COBLL1: variants seen among roughly 807,000 people sequenced by gnomAD.
COBLL1 encodes cordon-bleu WH2 repeat protein like 1, also known as cordon-bleu protein-like 1.
COBLL1 carries 50 observed loss-of-function variants against 94.8 expected under a neutral mutation model. That is an observed-to-expected ratio of 0.53 (90% CI 0.42 to 0.67). COBLL1 has a LOEUF of 0.67. COBLL1 is among the 30% of genes least tolerant of loss of function. The pLI is 0.00. For synonymous variants in COBLL1, 448 were observed against 473.8 expected, an observed-to-expected ratio of 0.95 and a Z score of 0.71; for missense variants, 1,362 against 1,348.7, an observed-to-expected ratio of 1.01 and a Z score of -0.15.
At position 164,834,624 on chromosome 2, in the gene COBLL1, TTGTC is replaced by T. The variant is rs1187895725; in HGVS notation, c.41+6528_41+6531del. 7.2e-5 allele frequency among the ~76,000 whole-genome samples: 11 copies of T among 152,350 alleles called. No homozygotes were observed. The East Asian group carries it at 7.7e-4, about 11-fold the overall frequency. On this transcript the variant is annotated intron_variant, in intron 2 of 13. Transcript: ENST00000652658. ...AATTAGGCCAGTGGGTCAGCAAACT[TTGTC>T]TGTGTAGAGCCAGAGGGCAAATATT...
chr2:164,738,572 C>T (rs1037170839), intron 3 of COBLL1, among the ~76,000 whole-genome samples: 3 of 151,546 alleles, frequency 2.0e-5, no homozygotes, highest in Non-Finnish European at 2.9e-5. Flanking sequence ...AACAGTAGTC[C>T]TTTAATGTTC....
chr2:164,685,961 G>A lies in COBLL1; in HGVS notation c.3372C>T (p.Ala1124=). The change falls in exon 14 of 14, where the codon GCC becomes GCT. Residue 1124 remains alanine, a synonymous_variant. Transcript: ENST00000652658. ...SRLSHSMSPD[A]QDGH is the part of the protein sequence containing the mutation. ...AGGGTAACATTTAATGGCCGTCCTG[G>A]GCATCAGGGGACATGGAATGGCTGA... The A allele has an allele frequency of 6.2e-7, 1 of 1,605,738 alleles. No individual in the cohort carries two copies. The highest frequency in any genetic ancestry group is 1.7e-4 in the Middle Eastern group (1 of 6,044).
intron 7 of COBLL1, among the ~76,000 whole-genome samples, chr2:164,711,461 C>G (rs988121495): frequency 2.6e-5 from 4 of 152,116 alleles, no homozygotes; most frequent in African/African-American, 9.7e-5. Flanking sequence ...TCAACAGTGC[C>G]CAATGTTCAG....
At position 164,682,389 on chromosome 2, in the gene COBLL1, T is replaced by A. The variant is rs1206396037; in HGVS notation, c.*3557A>T. The A allele has an allele frequency of 6.6e-6, 1 of 152,242 alleles. No individual in the cohort carries two copies. Among genetic ancestry groups the A allele is most frequent in the East Asian group, 1.9e-4 (1 of 5,200 alleles). 9.4% of individuals were successfully genotyped at this position (152,242 alleles called of 1,614,324 possible). A position where few individuals can be genotyped will look rare whatever the true frequency, so the allele number is the denominator to read the frequency against. ...GTTCTTTGATACTTATTTTCTCTAC[T>A]GGTAGTGGGTACAAAGTAAACTGGA... On this transcript the variant is annotated 3_prime_UTR_variant, in exon 14 of 14. Transcript: ENST00000652658.
rs970576479 is a variant in COBLL1, at chr2:164,682,406, T to G, written c.*3540A>C. The G allele has an allele frequency of 6.6e-6, 1 of 152,210 alleles. No individual in the cohort carries two copies. Among genetic ancestry groups the G allele is most frequent in the Non-Finnish European group, 1.5e-5 (1 of 68,030 alleles). The allele number at this position is 152,210 out of a possible 1,614,324, so 9.4% of individuals were successfully genotyped here. A position where few individuals can be genotyped will look rare whatever the true frequency, so the allele number is the denominator to read the frequency against. ...TTCTCTACTGGTAGTGGGTACAAAGTAAACTGGAATTAGACACATACATAA... is the reference window on the plus strand; with the variant it reads ...TTCTCTACTGGTAGTGGGTACAAAGGAAACTGGAATTAGACACATACATAA... On this transcript the variant is annotated 3_prime_UTR_variant, in exon 14 of 14. Coordinates refer to ENST00000652658, the MANE Select transcript of COBLL1 (RefSeq NM_001365672.2).
chr2:164,752,391 A>G (rs1315057087), intron 2 of COBLL1, among the ~76,000 whole-genome samples: 2 of 151,276 alleles, frequency 1.3e-5, no homozygotes, highest in Non-Finnish European at 2.9e-5. Flanking sequence ...ACATTACATC[A>G]TTTCTTTGAG....
upstream of COBLL1, chr2:164,842,039 C>T (rs1312452429): frequency 1.3e-6 from 2 of 1,533,268 alleles, no homozygotes; most frequent in African/African-American, 1.4e-5. Context: ...ACCAGCTCGG[C>T]GGCATTGGAG....
At chr2:164,697,410 C>T (rs1331534684) in intron 11 of COBLL1, 2 of 152,106 alleles carry the variant, frequency 1.3e-5, no homozygotes, top group Admixed American at 6.6e-5. Flanking sequence ...TCTGCCTCTG[C>T]TCTCAATTTA....
intron 13 of COBLL1, among the ~76,000 whole-genome samples, chr2:164,691,242 T>C (rs1001091421): frequency 2.0e-5 from 3 of 152,304 alleles, no homozygotes; most frequent in Middle Eastern, 3.4e-3. Flanking sequence ...GTTGATATGG[T>C]TGAAAGGCCC....
chr2:164,697,397 A>G (rs987791540), intron 11 of COBLL1: 1 of 152,150 alleles, frequency 6.6e-6, no homozygotes, highest in Admixed American at 6.6e-5. Flanking sequence ...GAAGAGGCAC[A>G]TTTCTGCCTC....
intron 2 of COBLL1, among the ~76,000 whole-genome samples, chr2:164,792,608 C>T (rs1392922541): frequency 1.3e-5 from 2 of 152,140 alleles, no homozygotes; most frequent in Non-Finnish European, 2.9e-5. Context: ...TTAATTTCCT[C>T]AACTTTCAAA....
intron 2 of COBLL1, among the ~76,000 whole-genome samples, chr2:164,762,020 G>A (rs355835): frequency 0.23 from 35,230 of 152,148 alleles, 4,748 homozygotes; most frequent in African/African-American, 0.37. Flanking sequence ...ATTTCTGAAA[G>A]GCTGCTAATC....
rs1465336963 is a variant in COBLL1 at position 164,729,909 on chromosome 2, C to G, written c.432+5G>C. ...AGACATCAAAATATATAATGGAATT[C>G]TTACCTCTGGTATTATAGGTGTAGG... On this transcript the variant is annotated splice_donor_5th_base_variant and intron_variant, in intron 4 of 13. Transcript: ENST00000652658. The G allele has an allele frequency of 6.2e-7, 1 of 1,605,464 alleles. No individual in the cohort carries two copies. The highest frequency in any genetic ancestry group is 1.1e-5 in the South Asian group (1 of 90,826).
At chr2:164,666,381 C>G (rs527676431) in intron 1 of COBLL1, among the ~76,000 whole-genome samples, 5 of 152,122 alleles carry the variant, frequency 3.3e-5, no homozygotes, top group Admixed American at 3.3e-4. Flanking sequence ...AAAATGCTAA[C>G]GATCATCTGA....
chr2:164,705,602 T>C (rs750262743), intron 7 of COBLL1, among the ~76,000 whole-genome samples: 7 of 152,182 alleles, frequency 4.6e-5, no homozygotes. Flanking sequence ...TCCTAGCCCG[T>C]GACTGTCAGC....
At chr2:164,837,859 T>C (rs1683397381) in intron 2 of COBLL1, among the ~76,000 whole-genome samples, 1 of 152,058 alleles carries the variant, frequency 6.6e-6, no homozygotes, top group Admixed American at 6.6e-5. Context: ...ACAACAAATA[T>C]AAAGTGGATA....
At chr2:164,805,287 GTCTCTCTCTCTC>G (rs543005860) in intron 2 of COBLL1, among the ~76,000 whole-genome samples, 2,326 of 34,052 alleles carry the variant, frequency 0.068, 250 homozygotes, top group Middle Eastern at 0.11. Context: ...CTCTCTGTCT[GTCTCTCTCTCTC>G]TCTCTCTCTC....
intron 5 of COBLL1, among the ~76,000 whole-genome samples, chr2:164,725,882 A>C (rs1474657281): frequency 6.6e-6 from 1 of 152,158 alleles, no homozygotes; most frequent in African/African-American, 2.4e-5. Flanking sequence ...CAACTCAAAT[A>C]CTGTAGTTTC....
At chr2:164,701,150 T>C (rs1684235587) in intron 9 of COBLL1, among the ~76,000 whole-genome samples, 1 of 152,178 alleles carries the variant, frequency 6.6e-6, no homozygotes, top group South Asian at 2.1e-4. Flanking sequence ...GCACATGAGA[T>C]TTTTGTATTG....
Sources: gnomAD v4.1 joint callset for allele counts (sites outside exome capture counted in the v4.1 genomes callset) on GRCh38, gnomAD v4.1.1 for gene constraint, MANE v1.5 for transcripts, NCBI Gene and HGNC (gene_info 2026-07-23, HGNC 2026-07-21) for gene names.